Variants in TTC34 observed in about 807,000 individuals in gnomAD.
TTC34 encodes tetratricopeptide repeat protein 34.
A neutral mutation model predicts 40.7 loss-of-function variants in TTC34; 44 were observed. That is an observed-to-expected ratio of 1.08 (90% CI 0.85 to 1.39). The LOEUF is 1.39. TTC34 is among the 40% of genes most tolerant of loss of function. The pLI, the probability that TTC34 is intolerant of heterozygous loss-of-function variation, is 0.00. For missense variants in TTC34, 884 were observed against 838.0 expected (o/e 1.05, Z -0.68); for synonymous variants, 422 against 398.6 (o/e 1.06, Z -0.70).
Position 2,692,538 on chromosome 1 carries a change from C to T in TTC34, c.2227-46975G>A, listed in dbSNP as rs527554261. Among the ~76,000 whole-genome samples, 27 of 142,514 alleles carry T rather than the reference C, an allele frequency of 1.9e-4. 2 individuals carry two copies. Among genetic ancestry groups the T allele is most frequent in the Admixed American group, 1.6e-3 (23 of 14,302 alleles). The allele number at this position is 142,514 out of a possible 152,430, so 93.5% of individuals were successfully genotyped here. On this transcript the variant is annotated intron_variant, in intron 6 of 8. Transcript: ENST00000401095. Reference sequence around the variant, plus strand: ...GTGCACGTGACAGCTTGGATCAGCACCCACACCCCCAGGCGAGCATCGGAC... The same window carrying T: ...GTGCACGTGACAGCTTGGATCAGCATCCACACCCCCAGGCGAGCATCGGAC...
chr1:2,641,483 G>A, exon 9 of TTC34: 1 of 1,535,710 alleles, frequency 6.5e-7, no homozygotes. Flanking sequence ...CCAGGCCTCT[G>A]CGTGACGCTG....
intron 6 of TTC34, among the ~76,000 whole-genome samples, chr1:2,768,406 A>G (rs1641861790): frequency 6.6e-6 from 1 of 151,804 alleles, no homozygotes; most frequent in Non-Finnish European, 1.5e-5. Flanking sequence ...AGCCCGGAAC[A>G]ACACCCTCCA....
intron 2 of TTC34, among the ~76,000 whole-genome samples, chr1:2,791,324 A>C (rs1214491228): frequency 6.6e-6 from 1 of 152,190 alleles, no homozygotes; most frequent in African/African-American, 2.4e-5. Flanking sequence ...AAGGTGCTGC[A>C]GGGGAGGGAC....
chr1:2,683,348 G>A (rs79616673), intron 6 of TTC34, among the ~76,000 whole-genome samples: 6 of 112,782 alleles, frequency 5.3e-5, no homozygotes, highest in Non-Finnish European at 3.6e-5. Context: ...ACACCACCCT[G>A]CACCCCCAGG....
At chr1:2,683,140 A>G (rs1376306791) in intron 6 of TTC34, among the ~76,000 whole-genome samples, 2 of 131,464 alleles carry the variant, frequency 1.5e-5, no homozygotes, top group African/African-American at 5.7e-5. Context: ...AGCCTGGAAC[A>G]GCACGCACAG....
exon 3 of TTC34, chr1:2,789,563 G>A (rs898586573): frequency 1.1e-5 from 16 of 1,487,446 alleles, no homozygotes; most frequent in Non-Finnish European, 1.2e-5. Context: ...CGCTCTGGAC[G>A]GCCCGGCGCG....
intron 6 of TTC34, among the ~76,000 whole-genome samples, chr1:2,749,614 G>A (rs1641252888): frequency 9.0e-6 from 1 of 111,294 alleles, no homozygotes; most frequent in Admixed American, 9.0e-5. Context: ...CCCCAGGTGT[G>A]CATGTGATGG....
exon 9 of TTC34, chr1:2,639,804 T>C (rs566115032): frequency 6.6e-6 from 1 of 152,344 alleles, no homozygotes; most frequent in African/African-American, 2.4e-5. Flanking sequence ...GTACTCAAGG[T>C]GGGAGGCACT....
chr1:2,755,639 G>C (rs1356878615), intron 6 of TTC34, among the ~76,000 whole-genome samples: 1 of 123,652 alleles, frequency 8.1e-6, no homozygotes, highest in Admixed American at 8.2e-5. Flanking sequence ...GTGCGCATCT[G>C]ATGGTCTGGA....
intron 6 of TTC34, among the ~76,000 whole-genome samples, chr1:2,767,999 C>T (rs545351875): frequency 6.6e-6 from 1 of 150,866 alleles, no homozygotes; most frequent in African/African-American, 2.4e-5. Context: ...TGGAACAGCA[C>T]GTCCCCTCAG....
intron 6 of TTC34, among the ~76,000 whole-genome samples, chr1:2,660,774 C>A (rs1207427853): frequency 8.1e-5 from 11 of 135,418 alleles, no homozygotes; most frequent in African/African-American, 1.2e-4. Flanking sequence ...ATCTGACAGA[C>A]TGGAGCAGCA....
rs1028298128 is a variant in TTC34 at position 2,695,601 on chromosome 1, G to C, written c.2227-50038C>G. ...AGCCTGGAGCAGCACCCACACTCCA[G>C]GTGAGCATCTGACAGCCTGAAGCAG... On this transcript the variant is annotated intron_variant, in intron 6 of 8. Transcript: ENST00000401095. Among the ~76,000 whole-genome samples, 5 of 79,864 alleles carry C rather than the reference G, an allele frequency of 6.3e-5. 1 individual carries two copies. The highest frequency in any genetic ancestry group is 1.4e-4 in the Non-Finnish European group (5 of 35,376). The allele number at this position is 79,864 out of a possible 152,430, so 52.4% of individuals were successfully genotyped here. A position where few individuals can be genotyped will look rare whatever the true frequency, so the allele number is the denominator to read the frequency against.
chr1:2,688,625 C>G (rs1379821141), intron 6 of TTC34, among the ~76,000 whole-genome samples: 3 of 122,122 alleles, frequency 2.5e-5, no homozygotes, highest in African/African-American at 1.1e-4. Flanking sequence ...AGGTGCGCAT[C>G]TGATGGTCTG....
At chr1:2,680,209 CAG>C (rs1557603130) in intron 6 of TTC34, among the ~76,000 whole-genome samples, 1 of 114,970 alleles carries the variant, frequency 8.7e-6, no homozygotes, top group Non-Finnish European at 2.1e-5. Flanking sequence ...CCTCCCGGAG[CAG>C]CACCAGTACC....
intron 6 of TTC34, among the ~76,000 whole-genome samples, chr1:2,769,793 C>A (rs1261587969): frequency 7.1e-6 from 1 of 141,604 alleles, no homozygotes; most frequent in African/African-American, 2.8e-5. Context: ...CGCCCACACC[C>A]CCAGGTGGGC....
chr1:2,783,719 G>T lies in TTC34; in HGVS notation c.2116C>A (p.Gln706Lys), dbSNP rs1257701056. The change falls in exon 6 of 9, where the codon CAG becomes AAG. Residue 706 changes from glutamine (Q) to lysine (K), a missense_variant. Coordinates refer to ENST00000401095, the Ensembl canonical transcript of TTC34. ...AAGTCGAACATGGCCGTCTTCTTCT[G>T]GCCCAGGAACCCATAGCAGCGGGCT... 6 of 1,545,396 alleles carry T rather than the reference G, an allele frequency of 3.9e-6. No homozygotes were observed. Among genetic ancestry groups the T allele is most frequent in the African/African-American group, 1.4e-5 (1 of 72,914 alleles).
intron 6 of TTC34, among the ~76,000 whole-genome samples, chr1:2,773,003 G>A (rs866125789): frequency 0.057 from 7,189 of 126,706 alleles, 1 homozygote; most frequent in African/African-American, 0.092. Context: ...TGACAGCCTG[G>A]AGCAGCACCC....
intron 6 of TTC34, among the ~76,000 whole-genome samples, chr1:2,684,707 G>A (rs57008511): frequency 9.5e-6 from 1 of 105,330 alleles, no homozygotes; most frequent in Admixed American, 1.0e-4. Context: ...GCCTGGAACG[G>A]CAACCACACC....
At chr1:2,686,781 C>T (rs1192164653) in intron 6 of TTC34, among the ~76,000 whole-genome samples, 24 of 105,524 alleles carry the variant, frequency 2.3e-4, no homozygotes, top group South Asian at 6.4e-4. Context: ...GAGCATGTGA[C>T]AGCCTGGATC....
Sources: gnomAD v4.1 joint callset for allele counts (sites outside exome capture counted in the v4.1 genomes callset) on GRCh38, gnomAD v4.1.1 for gene constraint, MANE v1.5 for transcripts, NCBI Gene and HGNC (gene_info 2026-07-23, HGNC 2026-07-21) for gene names.